ARHGAP31: variants seen among roughly 807,000 people sequenced by gnomAD.
ARHGAP31 encodes rho GTPase-activating protein 31.
In ARHGAP31, 34 loss-of-function variants were observed where a neutral mutation model predicts 113.9. The ratio of observed to expected loss-of-function variants is 0.30; its 90% CI spans 0.23 to 0.40. ARHGAP31 has a LOEUF of 0.40. Ranked by LOEUF, ARHGAP31 falls within the 10% of genes least tolerant of loss-of-function variation. ARHGAP31 has a pLI of 1.00. For synonymous variants in ARHGAP31, 650 were observed against 684.8 expected (o/e 0.95, Z 0.79); for missense variants, 1,548 against 1,767.1 (o/e 0.88, Z 2.22).
chr3:119,312,637 AAC>A, intron 1 of ARHGAP31, among the ~76,000 whole-genome samples: 1 of 152,232 alleles, frequency 6.6e-6, no homozygotes, highest in Non-Finnish European at 1.5e-5. Context: ...CAACAACAAC[AAC>A]AATGTGATTT....
At chr3:119,333,095 G>A (rs80128690) in intron 1 of ARHGAP31, among the ~76,000 whole-genome samples, 2,647 of 152,220 alleles carry the variant, frequency 0.017, 31 homozygotes, top group East Asian at 0.057. Flanking sequence ...GTCATCTATC[G>A]CATTTTGCTG....
Position 119,415,344 on chromosome 3 carries a change from G to C in ARHGAP31, c.3415G>C (p.Asp1139His). Reference sequence around the variant, plus strand: ...TGGAATGCAGGTCTCTGAGCCAGGAGACCCAAAGGTCACATGGATGACCTC... The same window carrying C: ...TGGAATGCAGGTCTCTGAGCCAGGACACCCAAAGGTCACATGGATGACCTC... ...SPGMQVSEPG[D>H]PKVTWMTSSY... Residue 1139 changes from aspartate (D) to histidine (H), a missense_variant, in exon 12 of 12, where the codon GAC (aspartate) becomes CAC (histidine). Coordinates refer to ENST00000264245, the MANE Select transcript of ARHGAP31 (RefSeq NM_020754.4). 3 of 1,614,138 alleles carry C rather than the reference G, an allele frequency of 1.9e-6. No homozygotes were observed. The highest frequency in any genetic ancestry group is 2.2e-5 in the East Asian group (1 of 44,884).
At chr3:119,382,626 A>G (rs149805440) in intron 5 of ARHGAP31, among the ~76,000 whole-genome samples, 12 of 152,344 alleles carry the variant, frequency 7.9e-5, no homozygotes, top group African/African-American at 2.9e-4. Flanking sequence ...GGCTACAGCT[A>G]CAATATGGCT....
At chr3:119,295,056 G>T in intron 1 of ARHGAP31, 52 bp downstream of exon 1, 1 of 1,546,016 alleles carries the variant, frequency 6.5e-7, no homozygotes, top group South Asian at 1.1e-5. Flanking sequence ...TTGTTTGAGG[G>T]AGAGACGGAC....
At chr3:119,354,185 G>A (rs1169241869) in intron 1 of ARHGAP31, among the ~76,000 whole-genome samples, 1 of 152,218 alleles carries the variant, frequency 6.6e-6, no homozygotes, top group South Asian at 2.1e-4. Context: ...CAGGCCAGCA[G>A]GTTGGGCAAA....
chr3:119,416,446 G>A lies in ARHGAP31; in HGVS notation c.*182G>A. ...CCATTTGCTAGAAGAGTGGTCAAGGGAAAAACGAGAGATGAAATTTAGTTA... is the reference window on the plus strand; with the variant it reads ...CCATTTGCTAGAAGAGTGGTCAAGGAAAAAACGAGAGATGAAATTTAGTTA... On this transcript the variant is annotated 3_prime_UTR_variant, in exon 12 of 12. Transcript: ENST00000264245. The A allele has an allele frequency of 1.2e-6, 1 of 826,140 alleles. No homozygotes were observed. Among genetic ancestry groups the A allele is most frequent in the South Asian group, 1.6e-5 (1 of 60,734 alleles). 51.2% of individuals were successfully genotyped at this position (826,140 alleles called of 1,614,324 possible).
At chr3:119,329,283 T>TGCACACA (rs1455304925) in intron 1 of ARHGAP31, among the ~76,000 whole-genome samples, 2 of 152,192 alleles carry the variant, frequency 1.3e-5, no homozygotes, top group Non-Finnish European at 1.5e-5. Context: ...GAGCCACATA[T>TGCACACA]CAATATAGCC....
At chr3:119,391,163 T>G (rs2080500885) in intron 7 of ARHGAP31, among the ~76,000 whole-genome samples, 180 bp downstream of exon 7, 1 of 152,170 alleles carries the variant, frequency 6.6e-6, no homozygotes, top group Non-Finnish European at 1.5e-5. Context: ...CACCAGCAGT[T>G]GATGCCTTTA....
At chr3:119,297,069 C>T (rs2079539051) in intron 1 of ARHGAP31, among the ~76,000 whole-genome samples, 2 of 152,196 alleles carry the variant, frequency 1.3e-5, no homozygotes, top group South Asian at 4.1e-4. Context: ...ACGCAACTGA[C>T]CCACTTAATG....
rs2080780398 is a variant in ARHGAP31 at position 119,416,473 on chromosome 3, G to A, written c.*209G>A. 6.0e-6 allele frequency: 4 copies of A among 670,946 alleles called. No homozygotes were observed. In the South Asian group the frequency reaches 7.3e-5, roughly 12 times the overall value. The allele number at this position is 670,946 out of a possible 1,614,324, so 41.6% of individuals were successfully genotyped here. A position where few individuals can be genotyped will look rare whatever the true frequency, so the allele number is the denominator to read the frequency against. On this transcript the variant is annotated 3_prime_UTR_variant, in exon 12 of 12. Transcript: ENST00000264245. ...AAAACGAGAGATGAAATTTAGTTAAGTCTATGTGAGCAAGTGAGAGAAGGT... is the reference window on the plus strand; with the variant it reads ...AAAACGAGAGATGAAATTTAGTTAAATCTATGTGAGCAAGTGAGAGAAGGT...
intron 3 of ARHGAP31, among the ~76,000 whole-genome samples, chr3:119,370,326 C>G (rs1161779896): frequency 6.6e-6 from 1 of 152,206 alleles, no homozygotes; most frequent in East Asian, 1.9e-4. Flanking sequence ...AACCATTGAT[C>G]TGTCTCCTTA....
At chr3:119,389,041 G>C (rs2080479674) in intron 6 of ARHGAP31, among the ~76,000 whole-genome samples, 1 of 152,040 alleles carries the variant, frequency 6.6e-6, no homozygotes, top group African/African-American at 2.4e-5. Context: ...GGTGCCTGTA[G>C]TCCCAGCTAC....
intron 1 of ARHGAP31, among the ~76,000 whole-genome samples, chr3:119,316,859 A>T (rs1386620416): frequency 6.6e-6 from 1 of 152,082 alleles, no homozygotes; most frequent in Non-Finnish European, 1.5e-5. Flanking sequence ...TAAGTTGAAA[A>T]CCACTGCTGC....
intron 1 of ARHGAP31, among the ~76,000 whole-genome samples, chr3:119,315,867 G>A (rs762470227): frequency 2.6e-5 from 4 of 152,218 alleles, no homozygotes; most frequent in Non-Finnish European, 5.9e-5. Context: ...TTGCCAAAAT[G>A]TTGGGGTGGG....
intron 8 of ARHGAP31, among the ~76,000 whole-genome samples, chr3:119,394,107 GAGGT>G (rs2080527422): frequency 6.6e-6 from 1 of 152,190 alleles, no homozygotes; most frequent in Admixed American, 6.5e-5. Flanking sequence ...TGGTTAAACT[GAGGT>G]TAGGAATTTT....
chr3:119,387,208 A>G (rs1272022249), intron 6 of ARHGAP31, among the ~76,000 whole-genome samples: 1 of 152,174 alleles, frequency 6.6e-6, no homozygotes, highest in African/African-American at 2.4e-5. Context: ...GTCTTCCCAG[A>G]CGCTGGCTTC....
At chr3:119,354,689 T>G (rs2107618133) in intron 1 of ARHGAP31, among the ~76,000 whole-genome samples, 1 of 150,458 alleles carries the variant, frequency 6.6e-6, no homozygotes, top group East Asian at 1.9e-4. Context: ...TTTTTTTTTT[T>G]TTTTTTTTTG....
chr3:119,348,776 C>T (rs1304464093), intron 1 of ARHGAP31, among the ~76,000 whole-genome samples: 1 of 151,916 alleles, frequency 6.6e-6, no homozygotes, highest in Admixed American at 6.6e-5. Context: ...CCTTTTTTTT[C>T]TGAATATTTT....
chr3:119,405,323 T>C (rs1446546608), intron 10 of ARHGAP31, among the ~76,000 whole-genome samples: 1 of 152,226 alleles, frequency 6.6e-6, no homozygotes, highest in East Asian at 1.9e-4. Flanking sequence ...TATTTCTATC[T>C]TACACACAAG....
Sources: gnomAD v4.1 joint callset for allele counts (sites outside exome capture counted in the v4.1 genomes callset) on GRCh38, gnomAD v4.1.1 for gene constraint, MANE v1.5 for transcripts, NCBI Gene and HGNC (gene_info 2026-07-23, HGNC 2026-07-21) for gene names.